SOCS5: variants seen among roughly 807,000 people sequenced by gnomAD.
The protein encoded by SOCS5 is CIS-6.
SOCS5 carries 32 observed loss-of-function variants against 42.8 expected under a neutral mutation model. That is an observed-to-expected ratio of 0.75 (90% CI 0.56 to 1.01). The LOEUF is 1.01. Among genes scored for constraint, SOCS5 ranks in the 50% least tolerant of loss-of-function variants. The probability of loss-of-function intolerance (pLI) is 0.00; values close to 1 mark genes in which losing one functional copy is unlikely to be tolerated. For missense variants in SOCS5, 627 were observed against 653.0 expected (o/e 0.96, Z 0.43); for synonymous variants, 283 against 229.6 (o/e 1.23, Z -2.10).
chr2:46,755,802 C>A (rs1673720229), intron 1 of SOCS5, among the ~76,000 whole-genome samples: 1 of 152,146 alleles, frequency 6.6e-6, no homozygotes, highest in South Asian at 2.1e-4. Context: ...AACAAAAGAA[C>A]TTCGAATCTG....
At chr2:46,727,731 A>T (rs1572837476) in intron 1 of SOCS5, among the ~76,000 whole-genome samples, 1 of 152,268 alleles carries the variant, frequency 6.6e-6, no homozygotes, top group East Asian at 1.9e-4. Context: ...GATCCATGCC[A>T]TGTTCAGCTC....
intron 1 of SOCS5, among the ~76,000 whole-genome samples, chr2:46,722,237 A>G (rs1014620199): frequency 1.3e-5 from 2 of 152,190 alleles, no homozygotes; most frequent in Non-Finnish European, 2.9e-5. Context: ...GTAATTTTTT[A>G]AAGTCTCCTT....
At chr2:46,754,898 G>C (rs922161415) in intron 1 of SOCS5, among the ~76,000 whole-genome samples, 1 of 152,164 alleles carries the variant, frequency 6.6e-6, no homozygotes, top group Non-Finnish European at 1.5e-5. Context: ...TTCTGGGTCA[G>C]TTTTACTGTC....
At chr2:46,702,723 A>G (rs1488323953) in intron 1 of SOCS5, among the ~76,000 whole-genome samples, 1 of 145,804 alleles carries the variant, frequency 6.9e-6, no homozygotes, top group Non-Finnish European at 1.5e-5. Flanking sequence ...ATTTTATAAC[A>G]TATGGTTCTT....
chr2:46,750,208 T>TA (rs1440046751), intron 1 of SOCS5, among the ~76,000 whole-genome samples: 1 of 152,174 alleles, frequency 6.6e-6, no homozygotes, highest in Non-Finnish European at 1.5e-5. Flanking sequence ...TCTGGTGCCC[T>TA]AAGCAAAGCA....
At position 46,758,711 on chromosome 2, in the gene SOCS5, G is replaced by C. The variant is rs1673784022; in HGVS notation, c.181G>C (p.Glu61Gln). 6.2e-7 allele frequency: 1 copy of C among 1,614,018 alleles called. No homozygotes were observed. The highest frequency in any genetic ancestry group is 1.3e-5 in the African/African-American group (1 of 74,924). Reference sequence around the variant, plus strand: ...TCAGCAACAAAGCAGTCCCTTAAGAGAAAATATTGCCTTACAACTGGGATT... The same window carrying C: ...TCAGCAACAAAGCAGTCCCTTAAGACAAAATATTGCCTTACAACTGGGATT... ...TPQQQSSPLR[E>Q]NIALQLGLSP... Residue 61 changes from glutamate (E) to glutamine (Q), a missense_variant, in exon 2 of 2, where the codon GAA (glutamate) becomes CAA (glutamine). Transcript: ENST00000394861.
intron 1 of SOCS5, among the ~76,000 whole-genome samples, chr2:46,731,650 A>G (rs1673127934): frequency 1.3e-5 from 2 of 152,250 alleles, no homozygotes; most frequent in Admixed American, 1.3e-4. Context: ...GTTGGTACAT[A>G]TACCACAGAA....
intron 1 of SOCS5, among the ~76,000 whole-genome samples, chr2:46,752,854 G>A (rs1017488397): frequency 6.6e-6 from 1 of 152,144 alleles, no homozygotes; most frequent in Non-Finnish European, 1.5e-5. Context: ...TCATGCATTT[G>A]CCTAAGCAAG....
At chr2:46,731,740 A>G (rs1270640023) in intron 1 of SOCS5, among the ~76,000 whole-genome samples, 5 of 152,236 alleles carry the variant, frequency 3.3e-5, no homozygotes, top group African/African-American at 1.2e-4. Flanking sequence ...GTAGGGAGAA[A>G]TAAGATTGAG....
intron 1 of SOCS5, among the ~76,000 whole-genome samples, chr2:46,731,771 A>T (rs1357610195): frequency 2.6e-5 from 4 of 152,160 alleles, no homozygotes; most frequent in Non-Finnish European, 5.9e-5. Flanking sequence ...TAAAAGTTTC[A>T]TCAGTAACAC....
intron 1 of SOCS5, among the ~76,000 whole-genome samples, chr2:46,711,441 G>C (rs1051450561): frequency 2.6e-5 from 4 of 152,174 alleles, no homozygotes; most frequent in Non-Finnish European, 5.9e-5. Context: ...TGATATGTCT[G>C]TTCAAGGCAT....
At chr2:46,725,433 G>C (rs1672970009) in intron 1 of SOCS5, among the ~76,000 whole-genome samples, 1 of 151,860 alleles carries the variant, frequency 6.6e-6, no homozygotes, top group South Asian at 2.1e-4. Flanking sequence ...TTTGTTTATT[G>C]TTCCTCTTTT....
intron 1 of SOCS5, among the ~76,000 whole-genome samples, chr2:46,733,921 A>C (rs80203441): frequency 0.061 from 9,312 of 152,326 alleles, 306 homozygotes; most frequent in Middle Eastern, 0.13. Flanking sequence ...TTTCTAGTTA[A>C]TAAACTGTCC....
intron 1 of SOCS5, among the ~76,000 whole-genome samples, chr2:46,725,372 T>TA (rs542719696): frequency 1.4e-3 from 211 of 152,254 alleles, no homozygotes; most frequent in African/African-American, 4.8e-3. Context: ...TAATTACTGA[T>TA]ACGTTTAGAT....
chr2:46,711,554 T>G (rs1672622975), intron 1 of SOCS5, among the ~76,000 whole-genome samples: 1 of 152,234 alleles, frequency 6.6e-6, no homozygotes, highest in South Asian at 2.1e-4. Flanking sequence ...AGATTTTTCT[T>G]CCAGTCTGTG....
At chr2:46,729,798 A>C (rs1478943050) in intron 1 of SOCS5, among the ~76,000 whole-genome samples, 1 of 152,200 alleles carries the variant, frequency 6.6e-6, no homozygotes, top group African/African-American at 2.4e-5. Flanking sequence ...CTTCAATAAC[A>C]AATTGACCTT....
intron 1 of SOCS5, among the ~76,000 whole-genome samples, chr2:46,703,786 A>G (rs931980303): frequency 2.0e-5 from 3 of 152,292 alleles, no homozygotes; most frequent in Non-Finnish European, 4.4e-5. Context: ...AATATGAATT[A>G]TTTGCATTGT....
chr2:46,732,191 T>C (rs141854972), intron 1 of SOCS5, among the ~76,000 whole-genome samples: 129 of 152,334 alleles, frequency 8.5e-4, no homozygotes, highest in Non-Finnish European at 1.5e-3. Context: ...AACCAGCACA[T>C]TGAAACAAAT....
chr2:46,731,552 A>G (rs539923071), intron 1 of SOCS5, among the ~76,000 whole-genome samples: 3 of 152,378 alleles, frequency 2.0e-5, no homozygotes, highest in East Asian at 1.9e-4. Flanking sequence ...GACTTACGCA[A>G]AAATGTGATT....
Sources: allele counts gnomAD v4.1 joint callset (sites outside exome capture counted in the v4.1 genomes callset), GRCh38; gene constraint gnomAD v4.1.1; transcripts MANE v1.5; gene names NCBI Gene and HGNC (gene_info 2026-07-23, HGNC 2026-07-21).